Variants in TENM2 observed in about 807,000 individuals in gnomAD.
TENM2 encodes teneurin transmembrane protein 2.
In TENM2, 52 loss-of-function variants were observed where a neutral mutation model predicts 245.2. The ratio of observed to expected loss-of-function variants is 0.21; its 90% confidence interval spans 0.17 to 0.27. The LOEUF is 0.27. TENM2 is among the 10% of genes least tolerant of loss of function. The probability of loss-of-function intolerance (pLI) is 1.00; values close to 1 mark genes in which losing one functional copy is unlikely to be tolerated. For synonymous variants in TENM2, 1,363 were observed against 1,438.9 expected (o/e 0.95, Z 1.19); for missense variants, 3,046 against 3,666.8 (o/e 0.83, Z 4.37).
At chr5:168,253,593 T>C (rs1164101773) in intron 27 of TENM2, among the ~76,000 whole-genome samples, 1 of 151,272 alleles carries the variant, frequency 6.6e-6, no homozygotes, top group African/African-American at 2.4e-5. Flanking sequence ...GCCCGGCTAA[T>C]TGTTTGTATT....
intron 2 of TENM2, among the ~76,000 whole-genome samples, chr5:167,781,984 G>T (rs530181033): frequency 1.3e-5 from 2 of 151,370 alleles, no homozygotes; most frequent in African/African-American, 4.9e-5. Context: ...TCCAGTCTGG[G>T]TGACAGAATG....
At chr5:167,033,840 G>C in the TENM2 span, among the ~76,000 whole-genome samples, 2 of 152,140 alleles carry the variant, frequency 1.3e-5, no homozygotes, top group Non-Finnish European at 2.9e-5. Flanking sequence ...TAGACACACT[G>C]TCAACACCTA....
At chr5:167,527,649 A>C (rs1353867153) in intron 2 of TENM2, among the ~76,000 whole-genome samples, 1 of 152,154 alleles carries the variant, frequency 6.6e-6, no homozygotes, top group Non-Finnish European at 1.5e-5. Flanking sequence ...TATTCTGTGC[A>C]TACATCTCTT....
intron 2 of TENM2, among the ~76,000 whole-genome samples, chr5:167,591,559 C>T (rs1384094817): frequency 6.6e-6 from 1 of 152,190 alleles, no homozygotes; most frequent in Non-Finnish European, 1.5e-5. Context: ...GCATGTCACT[C>T]ATTGGCCATT....
intron 8 of TENM2, 97 bp downstream of exon 10, chr5:168,090,866 T>C (rs1792881991): frequency 2.7e-6 from 3 of 1,110,174 alleles, no homozygotes; most frequent in Non-Finnish European, 3.9e-6. Context: ...TAGTTTCTAC[T>C]ACAGATGACA....
At chr5:167,212,639 T>C in the TENM2 span, among the ~76,000 whole-genome samples, 3 of 152,196 alleles carry the variant, frequency 2.0e-5, no homozygotes, top group Admixed American at 1.3e-4. Flanking sequence ...ATATTTCCAG[T>C]ATATTTGGTT....
At position 167,971,934 on chromosome 5, in the gene TENM2, G is replaced by A. The variant is rs189546528; in HGVS notation, c.947+19112G>A. On this transcript the variant is annotated intron_variant, in intron 4 of 28. Transcript: ENST00000518659. ...CCTTCCACTATAAATGCCGGAGTGG[G>A]GCTGGAAGGCAGGCCTCTGGCCAGA... is the stretch of plus-strand genomic sequence containing the variant. Among the ~76,000 whole-genome samples, 604 of 152,270 alleles carry A rather than the reference G, an allele frequency of 4.0e-3. 2 individuals carry two copies. The highest frequency in any genetic ancestry group is 0.013 in the African/African-American group (522 of 41,558).
intron 2 of TENM2, among the ~76,000 whole-genome samples, chr5:167,540,518 G>A (rs773897033): frequency 1.1e-4 from 17 of 152,142 alleles, no homozygotes; most frequent in South Asian, 4.1e-4. Flanking sequence ...ATGCTCATTC[G>A]TTTATGTACT....
At chr5:167,657,661 C>T (rs953509029) in intron 2 of TENM2, among the ~76,000 whole-genome samples, 6 of 152,172 alleles carry the variant, frequency 3.9e-5, no homozygotes, top group Non-Finnish European at 5.9e-5. Flanking sequence ...ATATTTTAGC[C>T]TTTGCTAACT....
intron 12 of TENM2, among the ~76,000 whole-genome samples, chr5:168,142,094 C>T (rs1755602312): frequency 6.6e-6 from 1 of 152,210 alleles, no homozygotes; most frequent in African/African-American, 2.4e-5. Context: ...AAAGAATGTC[C>T]ATTCAAGCCC....
At position 167,453,550 on chromosome 5, in the gene TENM2, G is replaced by A. The variant is rs114555132; in HGVS notation, c.502+78077G>A. 4.8e-3 allele frequency among the ~76,000 whole-genome samples: 725 copies of A among 152,212 alleles called. 6 individuals carry two copies. The highest frequency in any genetic ancestry group is 0.025 in the East Asian group (128 of 5,162). On this transcript the variant is annotated intron_variant, in intron 2 of 28. Coordinates refer to ENST00000518659, the Ensembl canonical transcript of TENM2. ...TGTGTGACTTTGGACAAATCATATTGCACCTTTTCTTGACTCAGTTTCTTC... is the reference window on the plus strand; with the variant it reads ...TGTGTGACTTTGGACAAATCATATTACACCTTTTCTTGACTCAGTTTCTTC...
chr5:166,988,549 AATT>A, the TENM2 span, among the ~76,000 whole-genome samples: 1 of 152,218 alleles, frequency 6.6e-6, no homozygotes, highest in Non-Finnish European at 1.5e-5. Flanking sequence ...GTGCAATTTG[AATT>A]ATTATTTTTG....
At chr5:167,729,108 A>G (rs929041113) in intron 2 of TENM2, 1 of 152,176 alleles carries the variant, frequency 6.6e-6, no homozygotes, top group African/African-American at 2.4e-5. Flanking sequence ...TCACAGCAGT[A>G]TAGTTGAAAA....
chr5:167,488,308 T>C (rs1211199992), intron 2 of TENM2, among the ~76,000 whole-genome samples: 2 of 152,234 alleles, frequency 1.3e-5, no homozygotes, highest in Non-Finnish European at 2.9e-5. Context: ...TTGTCTACAT[T>C]CACTGTCTCT....
At chr5:167,374,371 C>G (rs2127307909) in intron 1 of TENM2, among the ~76,000 whole-genome samples, 1 of 152,250 alleles carries the variant, frequency 6.6e-6, no homozygotes, top group Middle Eastern at 3.4e-3. Flanking sequence ...GTAAGTCACT[C>G]TGATGTTCTC....
chr5:167,912,713 A>G (rs960164939), intron 3 of TENM2, among the ~76,000 whole-genome samples: 4 of 152,180 alleles, frequency 2.6e-5, no homozygotes, highest in Non-Finnish European at 5.9e-5. Context: ...TAACCAAGGA[A>G]CAGTTAGAGG....
At chr5:167,427,302 A>G (rs1453326752) in intron 2 of TENM2, among the ~76,000 whole-genome samples, 1 of 152,074 alleles carries the variant, frequency 6.6e-6, no homozygotes, top group South Asian at 2.1e-4. Context: ...ATGATACAAA[A>G]ATTAGCTGGG....
Position 167,968,651 on chromosome 5 carries a change from GCTTTA to G in TENM2, c.947+15833_947+15837del, listed in dbSNP as rs754568243. 5.7e-4 allele frequency among the ~76,000 whole-genome samples: 87 copies of G among 152,256 alleles called. 1 individual carries two copies. The highest frequency in any genetic ancestry group is 5.4e-3 in the Admixed American group (82 of 15,300). On this transcript the variant is annotated intron_variant, in intron 4 of 28. Transcript: ENST00000518659. ...CCCTAAAGGGAAGGTGGGAAATGTT[GCTTTA>G]CTTAACACTGGTATGTTCTTAGATA... is the stretch of plus-strand genomic sequence containing the variant.
intron 2 of TENM2, among the ~76,000 whole-genome samples, chr5:167,796,426 G>A (rs1307196789): frequency 6.6e-6 from 1 of 152,066 alleles, no homozygotes; most frequent in Non-Finnish European, 1.5e-5. Context: ...GTGGGTCTTT[G>A]CACATATTGC....
Sources: gnomAD v4.1 joint callset for allele counts (sites outside exome capture counted in the v4.1 genomes callset) on GRCh38, gnomAD v4.1.1 for gene constraint, MANE v1.5 for transcripts, NCBI Gene and HGNC (gene_info 2026-07-23, HGNC 2026-07-21) for gene names.